Variants in NPY observed in about 807,000 individuals in gnomAD.
NPY encodes pro-neuropeptide Y.
A neutral mutation model predicts 13.2 loss-of-function variants in NPY; 11 were observed. The observed-to-expected ratio is 0.83, with a 90% CI of 0.52 to 1.38. The LOEUF is 1.38. Ranked by LOEUF, NPY falls within the 40% of genes most tolerant of loss-of-function variation. The probability of loss-of-function intolerance (pLI) is 0.00; values close to 1 mark genes in which losing one functional copy is unlikely to be tolerated. For missense variants in NPY, 109 were observed against 125.1 expected (o/e 0.87, Z 0.61); for synonymous variants, 51 against 55.6 (o/e 0.92, Z 0.37).
intron 2 of NPY, among the ~76,000 whole-genome samples, chr7:24,288,893 G>A (rs1787490852): frequency 6.6e-6 from 1 of 152,062 alleles, no homozygotes; most frequent in African/African-American, 2.4e-5. Flanking sequence ...GTATCACTTT[G>A]TCACTTTGAA....
At position 24,285,188 on chromosome 7, in the gene NPY, G is replaced by T; in HGVS notation, c.1-53G>T. ...GGGGGGCAGAGGAGGGAGGTGCTGCGCGTGGGTGCTCTGAATCCCCAAGCC... is the reference window on the plus strand; with the variant it reads ...GGGGGGCAGAGGAGGGAGGTGCTGCTCGTGGGTGCTCTGAATCCCCAAGCC... On this transcript the variant is annotated intron_variant, in intron 1 of 3. Coordinates refer to ENST00000242152, the MANE Select transcript of NPY (RefSeq NM_000905.4). This position sits in a 1 kb window ranked among gnomAD's most constrained non-coding sequence, Gnocchi z 4.9. 2 of 1,586,258 alleles carry T rather than the reference G, an allele frequency of 1.3e-6. No homozygotes were observed. The highest frequency in any genetic ancestry group is 1.1e-5 in the South Asian group (1 of 90,186).
chr7:24,290,349 C>T (rs149480409), intron 3 of NPY, among the ~76,000 whole-genome samples: 121 of 152,242 alleles, frequency 7.9e-4, no homozygotes, highest in African/African-American at 2.8e-3. Context: ...TGTCTCTAAC[C>T]ACAGTAAGAT....
intron 3 of NPY, among the ~76,000 whole-genome samples, chr7:24,290,775 A>AATACTTATTATTATT (rs10701264): frequency 7.7e-6 from 1 of 129,638 alleles, no homozygotes; most frequent in Non-Finnish European, 1.6e-5. Flanking sequence ...TAATAATAAT[A>AATACTTATTATTATT]ATTATTATTA....
intron 3 of NPY, among the ~76,000 whole-genome samples, chr7:24,290,725 G>A (rs955985978): frequency 5.3e-5 from 8 of 149,756 alleles, no homozygotes; most frequent in African/African-American, 2.0e-4. Flanking sequence ...AGGGAAACAG[G>A]CAGAAAATTT....
rs59946765 is a variant in NPY at position 24,288,687 on chromosome 7, GAAAAA to G, written c.189-794_189-790del. Reference sequence around the variant, plus strand: ...GTCTCACCCATATCCTGCTACAGGAGAAAAAAAAAAAAAAAAAAAAAAGAACATTT... The same window carrying G: ...GTCTCACCCATATCCTGCTACAGGAGAAAAAAAAAAAAAAAAAGAACATTT... On this transcript the variant is annotated intron_variant, in intron 2 of 3. Transcript: ENST00000242152. Among the ~76,000 whole-genome samples the G allele has an allele frequency of 2.4e-4, 21 of 89,044 alleles. No homozygotes were observed. In the East Asian group the frequency reaches 4.9e-3, roughly 21 times the overall value. 58.4% of individuals were successfully genotyped at this position (89,044 alleles called of 152,430 possible).
chr7:24,288,253 T>C lies in NPY; in HGVS notation c.189-1246T>C, dbSNP rs535769019. Among the ~76,000 whole-genome samples the C allele has an allele frequency of 3.9e-5, 6 of 152,290 alleles. No individual in the cohort carries two copies. In the East Asian group the frequency reaches 9.6e-4, roughly 24 times the overall value. On this transcript the variant is annotated intron_variant, in intron 2 of 3. Transcript: ENST00000242152. ...AATGGATGGACAGAATAAATAAGTATAAGCAGACACCTATAGTCTAATATC... is the reference window on the plus strand; with the variant it reads ...AATGGATGGACAGAATAAATAAGTACAAGCAGACACCTATAGTCTAATATC...
intron 3 of NPY, among the ~76,000 whole-genome samples, chr7:24,291,461 A>T (rs1375956106): frequency 6.6e-6 from 1 of 152,176 alleles, no homozygotes; most frequent in Non-Finnish European, 1.5e-5. Flanking sequence ...ACATCGTGGA[A>T]TGCTGCTCAG....
chr7:24,287,318 A>G (rs945357042), intron 2 of NPY, among the ~76,000 whole-genome samples: 4 of 152,192 alleles, frequency 2.6e-5, no homozygotes, highest in African/African-American at 7.2e-5. Flanking sequence ...CTCTTAATGT[A>G]CGTCCATCTT....
rs895349764 is a variant in NPY at position 24,285,016 on chromosome 7, C to G, written c.1-225C>G. ...CCCTGAGACTTCGAACGAAGTTGCG[C>G]GAAGTTTTCAGGTGGAGCAGAGGGG... On this transcript the variant is annotated intron_variant, in intron 1 of 3. Coordinates refer to ENST00000242152, the MANE Select transcript of NPY (RefSeq NM_000905.4). The surrounding 1 kb of genome is among the most constrained non-coding windows in gnomAD (Gnocchi z 4.9). 2 of 585,328 alleles carry G rather than the reference C, an allele frequency of 3.4e-6. No individual in the cohort carries two copies. Among genetic ancestry groups the G allele is most frequent in the East Asian group, 5.8e-5 (2 of 34,726 alleles). 36.3% of individuals were successfully genotyped at this position (585,328 alleles called of 1,614,324 possible).
chr7:24,285,065 G>A lies in NPY; in HGVS notation c.1-176G>A, dbSNP rs1350455317. 6 of 658,826 alleles carry A rather than the reference G, an allele frequency of 9.1e-6. No homozygotes were observed. Among genetic ancestry groups the A allele is most frequent in the Admixed American group, 2.8e-5 (1 of 35,846 alleles). 40.8% of individuals were successfully genotyped at this position (658,826 alleles called of 1,614,324 possible). A position where few individuals can be genotyped will look rare whatever the true frequency, so the allele number is the denominator to read the frequency against. ...GGCAGGTCCCGACCGGACGGCGCCC[G>A]GAGCCCGCAAGGTGGTGCTAGCCAC... is the stretch of plus-strand genomic sequence containing the variant. On this transcript the variant is annotated intron_variant, in intron 1 of 3. Coordinates refer to ENST00000242152, the MANE Select transcript of NPY (RefSeq NM_000905.4). The surrounding 1 kb of genome is among the most constrained non-coding windows in gnomAD (Gnocchi z 4.9).
At chr7:24,290,800 G>A (rs1352948533) in intron 3 of NPY, among the ~76,000 whole-genome samples, 1 of 52,134 alleles carries the variant, frequency 1.9e-5, no homozygotes, top group Non-Finnish European at 4.1e-5. Context: ...TCAGAGACAA[G>A]GTCTCCTTCT....
chr7:24,291,534 G>T, intron 3 of NPY, 129 bp from the exon 4 acceptor site: 1 of 1,020,754 alleles, frequency 9.8e-7, no homozygotes, highest in Non-Finnish European at 1.5e-6. Context: ...TTCTTATTTA[G>T]AATGCCAACA....
chr7:24,286,477 G>A (rs1333980726), intron 2 of NPY, among the ~76,000 whole-genome samples: 1 of 152,042 alleles, frequency 6.6e-6, no homozygotes, highest in East Asian at 1.9e-4. Flanking sequence ...AAAGTATTGT[G>A]GGGTTTATAT....
chr7:24,291,396 A>G (rs2128234183), intron 3 of NPY, among the ~76,000 whole-genome samples: 1 of 152,258 alleles, frequency 6.6e-6, no homozygotes, highest in South Asian at 2.1e-4. Flanking sequence ...GGCTCCTTTG[A>G]TACATACAGA....
At chr7:24,290,769 A>ATT (rs1039305845) in intron 3 of NPY, among the ~76,000 whole-genome samples, 18 of 18,258 alleles carry the variant, frequency 9.9e-4, no homozygotes, top group African/African-American at 3.3e-3. Context: ...AAATAATAAT[A>ATT]ATAATAATTA....
chr7:24,288,198 T>C (rs1787462383), intron 2 of NPY, among the ~76,000 whole-genome samples: 1 of 152,160 alleles, frequency 6.6e-6, no homozygotes, highest in African/African-American at 2.4e-5. Flanking sequence ...TGAGTTACAG[T>C]TGCCCTAGAC....
At position 24,285,280 on chromosome 7, in the gene NPY, C is replaced by A. The variant is rs535222320; in HGVS notation, c.40C>A (p.Leu14Ile). The change falls in exon 2 of 4, where the codon CTC (leucine) becomes ATC (isoleucine). Residue 14 changes from leucine to isoleucine, a missense_variant. Transcript: ENST00000242152. This position sits in a 1 kb window ranked among gnomAD's most constrained non-coding sequence, Gnocchi z 4.9. ...NKRLGLSGLT[L>I]ALSLLVCLGA... ...GCGACTGGGGCTGTCCGGACTGACC[C>A]TCGCCCTGTCCCTGCTCGTGTGCCT... is the stretch of plus-strand genomic sequence containing the variant. The A allele has an allele frequency of 1.2e-6, 2 of 1,614,094 alleles. No individual in the cohort carries two copies. The highest frequency in any genetic ancestry group is 1.7e-5 in the Admixed American group (1 of 60,030).
At chr7:24,287,536 C>T (rs1787437711) in intron 2 of NPY, among the ~76,000 whole-genome samples, 1 of 150,262 alleles carries the variant, frequency 6.7e-6, no homozygotes, top group Admixed American at 6.7e-5. Context: ...CTTCTGGAAG[C>T]TGCATTACTT....
intron 3 of NPY, among the ~76,000 whole-genome samples, chr7:24,290,498 A>G (rs1356361725): frequency 1.3e-5 from 2 of 152,090 alleles, no homozygotes; most frequent in Non-Finnish European, 2.9e-5. Flanking sequence ...CTCTCCATCA[A>G]GTTCTCCCTA....
Sources: allele counts gnomAD v4.1 joint callset (sites outside exome capture counted in the v4.1 genomes callset), GRCh38; gene constraint gnomAD v4.1.1; non-coding constraint Gnocchi (gnomAD v3.1); transcripts MANE v1.5; gene names NCBI Gene and HGNC (gene_info 2026-07-23, HGNC 2026-07-21).